The following CFAP299 variants were observed in gnomAD, a reference collection of about 807,000 sequenced individuals.
CFAP299 encodes cilia- and flagella-associated protein 299.
Under a neutral mutation model 27.0 loss-of-function variants are expected in CFAP299, and 21 were observed. That is an observed-to-expected ratio of 0.78 (90% CI 0.55 to 1.12). The LOEUF is 1.12. Ranked by LOEUF, CFAP299 falls within the 50% of genes most tolerant of loss-of-function variation. The pLI, the probability that CFAP299 is intolerant of heterozygous loss-of-function variation, is 0.00. For synonymous variants in CFAP299, 104 were observed against 98.1 expected (o/e 1.06, Z -0.36); for missense variants, 310 against 276.6 (o/e 1.12, Z -0.86).
chr4:80,782,704 T>C (rs1343434424), intron 3 of CFAP299, among the ~76,000 whole-genome samples: 2 of 133,638 alleles, frequency 1.5e-5, no homozygotes, highest in East Asian at 2.0e-4. Context: ...TATATTCATA[T>C]ATAATATACA....
At chr4:80,776,858 T>C (rs1174073763) in intron 3 of CFAP299, among the ~76,000 whole-genome samples, 1 of 151,870 alleles carries the variant, frequency 6.6e-6, no homozygotes, top group East Asian at 1.9e-4. Flanking sequence ...CAATAACAAT[T>C]TCTACCTCTC....
intron 3 of CFAP299, among the ~76,000 whole-genome samples, chr4:80,586,336 CT>C (rs1474530124): frequency 6.6e-6 from 1 of 151,954 alleles, no homozygotes; most frequent in Non-Finnish European, 1.5e-5. Flanking sequence ...ATATGCAATA[CT>C]TTTGCTGCTA....
chr4:80,736,922 A>G (rs1337720258), intron 3 of CFAP299, among the ~76,000 whole-genome samples: 1 of 152,216 alleles, frequency 6.6e-6, no homozygotes, highest in African/African-American at 2.4e-5. Context: ...CCAAATGTCC[A>G]ACAATGATAG....
At chr4:80,768,914 T>A (rs1208431527) in intron 3 of CFAP299, among the ~76,000 whole-genome samples, 1 of 152,160 alleles carries the variant, frequency 6.6e-6, no homozygotes, top group East Asian at 1.9e-4. Context: ...ATTAATAGCA[T>A]ATGCTATGAT....
At chr4:80,414,813 G>A (rs1182297209) in intron 2 of CFAP299, among the ~76,000 whole-genome samples, 1 of 152,170 alleles carries the variant, frequency 6.6e-6, no homozygotes, top group African/African-American at 2.4e-5. Flanking sequence ...TTACCTTAGG[G>A]AAATTTCATC....
chr4:80,898,981 G>C lies in CFAP299; in HGVS notation c.476+28846G>C, dbSNP rs116398335. On this transcript the variant is annotated intron_variant, in intron 4 of 5. Coordinates refer to ENST00000358105, the MANE Select transcript of CFAP299 (RefSeq NM_152770.3). Reference sequence around the variant, plus strand: ...CTTCCAATGCAAAGAATAAGGAAAAGATTATTTTAGGTAAAGATCTCTATC... The same window carrying C: ...CTTCCAATGCAAAGAATAAGGAAAACATTATTTTAGGTAAAGATCTCTATC... Among the ~76,000 whole-genome samples, 685 of 152,276 alleles carry C rather than the reference G, an allele frequency of 4.5e-3. 2 individuals carry two copies. The highest frequency in any genetic ancestry group is 0.015 in the African/African-American group (632 of 41,548).
At chr4:80,615,255 C>G (rs1738213989) in intron 3 of CFAP299, among the ~76,000 whole-genome samples, 1 of 152,046 alleles carries the variant, frequency 6.6e-6, no homozygotes, top group African/African-American at 2.4e-5. Context: ...AATCAGAGTG[C>G]AGAATTTAGA....
At chr4:80,609,754 T>C (rs1294873941) in intron 3 of CFAP299, among the ~76,000 whole-genome samples, 1 of 152,084 alleles carries the variant, frequency 6.6e-6, no homozygotes, top group Non-Finnish European at 1.5e-5. Flanking sequence ...AGTTCTCTAG[T>C]AATACATAGT....
At position 80,921,843 on chromosome 4, in the gene CFAP299, A is replaced by G. The variant is rs534810254; in HGVS notation, c.477-22967A>G. Among the ~76,000 whole-genome samples, 72 of 151,816 alleles carry G rather than the reference A, an allele frequency of 4.7e-4. 2 individuals carry two copies. The South Asian group carries it at 9.2e-3, about 19-fold the overall frequency. On this transcript the variant is annotated intron_variant, in intron 4 of 5. Transcript: ENST00000358105. The stretch of plus-strand genomic sequence containing the variant: ...GCCGATAAAGGGCCAATATATGAGA[A>G]ATATTTATGGAGGGAATCTGGTGGT...
At chr4:80,799,201 T>TA (rs1491312452) in intron 3 of CFAP299, among the ~76,000 whole-genome samples, 2 of 111,348 alleles carry the variant, frequency 1.8e-5, no homozygotes, top group African/African-American at 7.7e-5. Context: ...TTATATAATA[T>TA]TTATATATAT....
At chr4:80,662,180 G>A (rs910667125) in intron 3 of CFAP299, among the ~76,000 whole-genome samples, 1 of 152,010 alleles carries the variant, frequency 6.6e-6, no homozygotes, top group Non-Finnish European at 1.5e-5. Flanking sequence ...TGATCTCTGT[G>A]ACCCACACCC....
At chr4:80,959,556 A>G (rs1738236574) in intron 5 of CFAP299, among the ~76,000 whole-genome samples, 1 of 152,084 alleles carries the variant, frequency 6.6e-6, no homozygotes, top group African/African-American at 2.4e-5. Context: ...AAATTTCTGA[A>G]ATATTTTTGT....
intron 3 of CFAP299, among the ~76,000 whole-genome samples, chr4:80,755,903 A>G (rs1725210518): frequency 6.6e-6 from 1 of 152,120 alleles, no homozygotes; most frequent in Non-Finnish European, 1.5e-5. Flanking sequence ...TTTGATCATA[A>G]GAAATATTTG....
At chr4:80,635,483 G>T (rs1213927875) in intron 3 of CFAP299, among the ~76,000 whole-genome samples, 1 of 152,022 alleles carries the variant, frequency 6.6e-6, no homozygotes, top group African/African-American at 2.4e-5. Flanking sequence ...AAACAATAAA[G>T]AGAATAGACT....
intron 2 of CFAP299, among the ~76,000 whole-genome samples, chr4:80,516,003 C>T (rs1410362861): frequency 6.7e-6 from 1 of 148,314 alleles, no homozygotes; most frequent in African/African-American, 2.5e-5. Context: ...ATGTGTTAGT[C>T]TGTTTCTGCA....
At chr4:80,432,619 G>T (rs1056511291) in intron 2 of CFAP299, among the ~76,000 whole-genome samples, 7 of 138,966 alleles carry the variant, frequency 5.0e-5, no homozygotes, top group African/African-American at 1.9e-4. Context: ...TGCAAGCTCC[G>T]CCTCCCAGGT....
At position 80,944,838 on chromosome 4, in the gene CFAP299, G is replaced by A. The variant is rs867338718; in HGVS notation, c.505G>A (p.Val169Ile). ...TTACAACTGGGACGCTGATATTGCT[G>A]TTAGTAATTCAAGTCCCAACTATCA... is the stretch of plus-strand genomic sequence containing the variant. ...SFYNWDADIA[V>I]SNSSPNYQVI... Residue 169 changes from valine to isoleucine, a missense_variant, in exon 5 of 6, where the codon GTT becomes ATT. Val to Ile is a conservative substitution (Grantham distance 29). Transcript: ENST00000358105. The A allele has an allele frequency of 6.2e-7, 1 of 1,608,986 alleles. No individual in the cohort carries two copies. Among genetic ancestry groups the A allele is most frequent in the African/African-American group, 1.3e-5 (1 of 74,876 alleles).
At chr4:80,376,014 G>A (rs1396267717) in intron 2 of CFAP299, among the ~76,000 whole-genome samples, 1 of 152,212 alleles carries the variant, frequency 6.6e-6, no homozygotes, top group Non-Finnish European at 1.5e-5. Flanking sequence ...AATGTATACA[G>A]TAGTGTCAGT....
chr4:80,504,493 A>T (rs1560598335), intron 2 of CFAP299, among the ~76,000 whole-genome samples: 1 of 127,212 alleles, frequency 7.9e-6, no homozygotes, highest in Non-Finnish European at 1.7e-5. Context: ...ATATATATAT[A>T]TATATATATA....
Sources: allele counts gnomAD v4.1 joint callset (sites outside exome capture counted in the v4.1 genomes callset), GRCh38; gene constraint gnomAD v4.1.1; transcripts MANE v1.5; gene names NCBI Gene and HGNC (gene_info 2026-07-23, HGNC 2026-07-21).